SOS2: variants seen among roughly 807,000 people sequenced by gnomAD.
The protein encoded by SOS2 is son of sevenless homolog 2.
In SOS2, 65 loss-of-function variants were observed where a neutral mutation model predicts 148.2. The ratio of observed to expected loss-of-function variants is 0.44; its 90% CI spans 0.36 to 0.54. The LOEUF is 0.54. Ranked by LOEUF, SOS2 falls within the 20% of genes least tolerant of loss-of-function variation. SOS2 has a pLI of 0.00. For missense variants in SOS2, 1,341 were observed against 1,590.2 expected (o/e 0.84, Z 2.67); for synonymous variants, 539 against 537.1 (o/e 1.00, Z -0.05).
chr14:50,183,400 A>G (rs1885806411), intron 5 of SOS2, among the ~76,000 whole-genome samples: 1 of 152,098 alleles, frequency 6.6e-6, no homozygotes, highest in African/African-American at 2.4e-5. Context: ...AAAAAAAAAG[A>G]AACAATATAA....
intron 13 of SOS2, among the ~76,000 whole-genome samples, chr14:50,151,280 C>T (rs1884654638): frequency 6.6e-6 from 1 of 152,218 alleles, no homozygotes; most frequent in African/African-American, 2.4e-5. Flanking sequence ...TTTTTGCTTG[C>T]ACTTTGTGGA....
chr14:50,174,177 T>A (rs528934870), intron 8 of SOS2, among the ~76,000 whole-genome samples: 1 of 105,764 alleles, frequency 9.5e-6, no homozygotes, highest in Admixed American at 1.1e-4. Flanking sequence ...AAGAGAGTCA[T>A]TTTTTTTAAG....
intron 4 of SOS2, among the ~76,000 whole-genome samples, chr14:50,189,927 C>T (rs950783234): frequency 3.3e-5 from 5 of 151,656 alleles, no homozygotes; most frequent in African/African-American, 1.2e-4. Context: ...CAGCTCACTG[C>T]AACCTCCGCC....
At chr14:50,197,689 CTTTTTTTT>C (rs35121759) in intron 4 of SOS2, among the ~76,000 whole-genome samples, 1 of 125,852 alleles carries the variant, frequency 7.9e-6, no homozygotes, top group Non-Finnish European at 1.7e-5. Flanking sequence ...GCTTTACCAC[CTTTTTTTT>C]TTTTTTTTTT....
At chr14:50,226,273 T>C (rs572839850) in intron 1 of SOS2, among the ~76,000 whole-genome samples, 1 of 152,302 alleles carries the variant, frequency 6.6e-6, no homozygotes, top group Non-Finnish European at 1.5e-5. Context: ...TATTACTATA[T>C]TTGAATATAT....
chr14:50,158,520 T>C (rs776112320), intron 11 of SOS2, 45 bp downstream of exon 11: 4 of 1,205,068 alleles, frequency 3.3e-6, no homozygotes, highest in African/African-American at 3.0e-5. Context: ...ATACAGTTAA[T>C]TTTTCACAAA....
At chr14:50,190,218 T>C (rs186110193) in intron 4 of SOS2, among the ~76,000 whole-genome samples, 4 of 152,238 alleles carry the variant, frequency 2.6e-5, no homozygotes, top group Admixed American at 1.3e-4. Flanking sequence ...TAGTTAATTA[T>C]ATATTTAAGA....
intron 1 of SOS2, among the ~76,000 whole-genome samples, chr14:50,228,846 A>G (rs1887458024): frequency 6.6e-6 from 1 of 152,202 alleles, no homozygotes; most frequent in African/African-American, 2.4e-5. Context: ...CATCATGTCA[A>G]GTATGTAAAA....
chr14:50,200,746 ATT>A (rs764666175), intron 3 of SOS2, among the ~76,000 whole-genome samples: 6 of 152,148 alleles, frequency 3.9e-5, no homozygotes, highest in Non-Finnish European at 8.8e-5. Context: ...AATTTTTAAT[ATT>A]GTTTGAAAAG....
chr14:50,154,152 A>G (rs1884746414), intron 12 of SOS2, among the ~76,000 whole-genome samples: 1 of 152,206 alleles, frequency 6.6e-6, no homozygotes, highest in Admixed American at 6.5e-5. Flanking sequence ...CTAGTAGGCA[A>G]GCCATGGAAA....
At chr14:50,184,325 G>T (rs1045306403) in intron 5 of SOS2, among the ~76,000 whole-genome samples, 12 of 152,134 alleles carry the variant, frequency 7.9e-5, no homozygotes, top group African/African-American at 2.4e-4. Flanking sequence ...ACCTGAGCTT[G>T]GATCCTGGCT....
intron 7 of SOS2, among the ~76,000 whole-genome samples, chr14:50,178,260 A>C (rs1885591480): frequency 6.6e-6 from 1 of 152,062 alleles, no homozygotes; most frequent in African/African-American, 2.4e-5. Context: ...TAGAGTTCTC[A>C]GGAGATCTAG....
Position 50,188,556 on chromosome 14 carries a change from T to C in SOS2, c.655A>G (p.Met219Val). Reference protein sequence around the residue: ...EERQYLRELNMIIKVFREAFL... With the variant: ...EERQYLRELNVIIKVFREAFL... ...GCTTCTCGAAACACTTTTATGATCA[T>C]ATTTAATTCCCGTAGATACTGTCTT... Residue 219 changes from methionine (M) to valine (V), a missense_variant, in exon 5 of 23, where the codon ATG becomes GTG. Around this residue, in one of 4 missense-constraint regions of SOS2, gnomAD observed 574 missense variants for 711.1 expected, o/e 0.81. Transcript: ENST00000216373. 3.7e-6 allele frequency: 6 copies of C among 1,605,898 alleles called. No individual in the cohort carries two copies. The highest frequency in any genetic ancestry group is 5.1e-6 in the Non-Finnish European group (6 of 1,178,012).
At chr14:50,187,705 T>C (rs887503044) in intron 5 of SOS2, among the ~76,000 whole-genome samples, 5 of 152,214 alleles carry the variant, frequency 3.3e-5, no homozygotes, top group African/African-American at 9.6e-5. Context: ...AAATAAATCA[T>C]GTGATAAAAG....
At chr14:50,177,252 G>A (rs1428421426) in intron 7 of SOS2, among the ~76,000 whole-genome samples, 2 of 151,696 alleles carry the variant, frequency 1.3e-5, no homozygotes, top group Non-Finnish European at 2.9e-5. Context: ...CCCGGGAGGC[G>A]GAGGTTGCAA....
intron 1 of SOS2, among the ~76,000 whole-genome samples, chr14:50,214,498 C>T (rs1024882154): frequency 2.6e-5 from 4 of 152,058 alleles, no homozygotes; most frequent in African/African-American, 9.7e-5. Flanking sequence ...GATCAATCGA[C>T]TTTTAAAAGA....
intron 16 of SOS2, among the ~76,000 whole-genome samples, chr14:50,140,365 A>T (rs1313862107): frequency 6.6e-6 from 1 of 152,266 alleles, no homozygotes; most frequent in Non-Finnish European, 1.5e-5. Flanking sequence ...GATGAAAATT[A>T]TAACCCCTGA....
At chr14:50,176,869 G>A (rs978427252) in intron 7 of SOS2, among the ~76,000 whole-genome samples, 1 of 152,182 alleles carries the variant, frequency 6.6e-6, no homozygotes, top group Admixed American at 6.5e-5. Flanking sequence ...AATTAGCCAG[G>A]TGTGGTGGCA....
chr14:50,158,021 T>C (rs1304452493), intron 11 of SOS2, among the ~76,000 whole-genome samples: 3 of 152,162 alleles, frequency 2.0e-5, no homozygotes, highest in African/African-American at 4.8e-5. Context: ...AGATGAATTA[T>C]GTTGTCTAGG....
Sources: gnomAD v4.1 joint callset for allele counts (sites outside exome capture counted in the v4.1 genomes callset) on GRCh38, gnomAD v4.1.1 for gene constraint, gnomAD v4.1.1 regional missense constraint, MANE v1.5 for transcripts, NCBI Gene and HGNC (gene_info 2026-07-23, HGNC 2026-07-21) for gene names.